ANKRD29: variants seen among roughly 807,000 people sequenced by gnomAD.
ANKRD29 encodes ankyrin repeat domain 29.
In ANKRD29, 32 loss-of-function variants were observed where a neutral mutation model predicts 38.0. The observed-to-expected ratio is 0.84, with a 90% CI of 0.64 to 1.13. The LOEUF (loss-of-function observed/expected upper bound fraction) is 1.13. ANKRD29 is among the 50% of genes most tolerant of loss of function. The pLI is 0.00. For synonymous variants in ANKRD29, 135 were observed against 152.4 expected, an observed-to-expected ratio of 0.89 and a Z score of 0.84; for missense variants, 357 against 377.9, an observed-to-expected ratio of 0.94 and a Z score of 0.46.
chr18:23,620,594 C>A (rs1043790323), intron 6 of ANKRD29, among the ~76,000 whole-genome samples: 1 of 152,054 alleles, frequency 6.6e-6, no homozygotes, highest in Non-Finnish European at 1.5e-5. Context: ...CGTTGAATCT[C>A]GCGTGTGTTG....
intron 3 of ANKRD29, among the ~76,000 whole-genome samples, chr18:23,645,363 C>G (rs2060125445): frequency 6.6e-6 from 1 of 152,176 alleles, no homozygotes; most frequent in East Asian, 1.9e-4. Flanking sequence ...ATCACGAGGT[C>G]AGGAGATCGA....
intron 3 of ANKRD29, among the ~76,000 whole-genome samples, chr18:23,641,259 T>C (rs1198594702): frequency 6.6e-6 from 1 of 152,202 alleles, no homozygotes; most frequent in Non-Finnish European, 1.5e-5. Flanking sequence ...TTGAGTTGGC[T>C]GTGCGGGAGC....
At chr18:23,659,668 G>A (rs1210562117) in intron 1 of ANKRD29, among the ~76,000 whole-genome samples, 1 of 151,650 alleles carries the variant, frequency 6.6e-6, no homozygotes, top group African/African-American at 2.4e-5. Context: ...GCTTGAACCC[G>A]GGAGGCAGAG....
intron 1 of ANKRD29, among the ~76,000 whole-genome samples, chr18:23,658,662 C>A (rs542857341): frequency 3.7e-4 from 56 of 152,240 alleles, no homozygotes; most frequent in African/African-American, 9.6e-4. Flanking sequence ...TGCATCCCCC[C>A]AAAAATTCAT....
rs923142748 is a variant in ANKRD29, at chr18:23,634,104, G to A, written c.376C>T (p.Gln126Ter). The A allele has an allele frequency of 6.2e-7, 1 of 1,614,154 alleles. No homozygotes were observed. Among genetic ancestry groups the A allele is most frequent in the Non-Finnish European group, 8.5e-7 (1 of 1,180,034 alleles). ...TGCTTCAGCAAGGTCTCCACCACCT[G>A]CATGTGCCCGTACTGACTGGCAGCC... ...LLAASQYGHM[Q>*]VVETLLKHGA... The change falls in exon 5 of 10, where the codon CAG becomes TAG. Residue 126 changes from glutamine to a stop codon, truncating the protein, a stop_gained. Coordinates refer to ENST00000592179, the MANE Select transcript of ANKRD29 (RefSeq NM_173505.4). LOFTEE classifies it high-confidence loss of function.
intron 5 of ANKRD29, among the ~76,000 whole-genome samples, chr18:23,632,531 G>GTAATATATATATATATATATATATA (rs772817461): frequency 7.9e-6 from 1 of 126,908 alleles, no homozygotes; most frequent in African/African-American, 3.3e-5. Flanking sequence ...GTGTGTGTGT[G>GTAATATATATATATATATATATATA]TGTATATATA....
rs1476073544 is a variant in ANKRD29 at position 23,629,943 on chromosome 18, G to GGCTC, written c.434_437dup (p.Thr147SerfsTer79). The GGCTC allele has an allele frequency of 6.2e-7, 1 of 1,613,416 alleles. No homozygotes were observed. The highest frequency in any genetic ancestry group is 8.5e-7 in the Non-Finnish European group (1 of 1,179,530). ...CTTGGGCAGCTAGGAAGAGGGCAGTGGCTCCATCCTGAGAGAGAACAAATT... is the reference window on the plus strand; with the variant it reads ...CTTGGGCAGCTAGGAAGAGGGCAGTGGCTCGCTCCATCCTGAGAGAGAACAAATT... On this transcript the variant is annotated frameshift_variant, in exon 6 of 10. Coordinates refer to ENST00000592179, the MANE Select transcript of ANKRD29 (RefSeq NM_173505.4). LOFTEE classifies it high-confidence loss of function.
chr18:23,650,114 A>C (rs984858333), intron 1 of ANKRD29, among the ~76,000 whole-genome samples: 1 of 151,488 alleles, frequency 6.6e-6, no homozygotes, highest in East Asian at 2.0e-4. Context: ...ATGCCATTAC[A>C]TGTCTTCATA....
At chr18:23,635,645 A>G (rs1598504735) in intron 4 of ANKRD29, among the ~76,000 whole-genome samples, 2 of 152,354 alleles carry the variant, frequency 1.3e-5, no homozygotes, top group South Asian at 2.1e-4. Context: ...AAATTTGGGC[A>G]TAAGGTGTTT....
Position 23,631,126 on chromosome 18 carries a change from G to A in ANKRD29, c.430-1175C>T, listed in dbSNP as rs956147995. ...TAAGATACAATATGCAGCTGGGTAC[G>A]ATGGCATACACCTGTGGTCCCAACT... On this transcript the variant is annotated intron_variant, in intron 5 of 9. Coordinates refer to ENST00000592179, the MANE Select transcript of ANKRD29 (RefSeq NM_173505.4). 2.6e-5 allele frequency among the ~76,000 whole-genome samples: 4 copies of A among 151,854 alleles called. No individual in the cohort carries two copies. The East Asian group carries it at 5.8e-4, about 22-fold the overall frequency.
intron 3 of ANKRD29, among the ~76,000 whole-genome samples, chr18:23,642,998 C>T (rs540250545): frequency 6.6e-6 from 1 of 152,308 alleles, no homozygotes; most frequent in Admixed American, 6.5e-5. Flanking sequence ...AGCAGGCAAC[C>T]CTTTTCCTTT....
chr18:23,645,404 T>C (rs1360343520), intron 3 of ANKRD29, among the ~76,000 whole-genome samples: 1 of 152,178 alleles, frequency 6.6e-6, no homozygotes, highest in Non-Finnish European at 1.5e-5. Context: ...TGAAACCCCA[T>C]GTCTACTAAA....
chr18:23,617,695 C>G (rs199918616), intron 8 of ANKRD29, 37 bp downstream of exon 8: 1 of 1,566,796 alleles, frequency 6.4e-7, no homozygotes, highest in Admixed American at 1.7e-5. Flanking sequence ...TCTAACCTCT[C>G]TCTTACAGAT....
intron 1 of ANKRD29, among the ~76,000 whole-genome samples, chr18:23,654,316 A>AATC (rs1568053140): frequency 9.4e-5 from 14 of 149,488 alleles, no homozygotes; most frequent in African/African-American, 3.5e-4. Flanking sequence ...ATAAATAAAT[A>AATC]AATAAATAAA....
chr18:23,660,331 G>A (rs565088889), intron 1 of ANKRD29, among the ~76,000 whole-genome samples: 239 of 152,234 alleles, frequency 1.6e-3, no homozygotes, highest in African/African-American at 5.4e-3. Flanking sequence ...AGGTGCTTAC[G>A]GGCCATTTGT....
At chr18:23,643,617 C>A (rs1441679378) in intron 3 of ANKRD29, among the ~76,000 whole-genome samples, 1 of 152,174 alleles carries the variant, frequency 6.6e-6, no homozygotes, top group South Asian at 2.1e-4. Context: ...AGGAGCTATA[C>A]CTTAGTCTGG....
At position 23,617,786 on chromosome 18, in the gene ANKRD29, A is replaced by T. The variant is rs781526822; in HGVS notation, c.669T>A (p.Tyr223Ter). ...TAAGCAACTCTTTTATGACATCATTATACCCTTTGTTGGCTGCTTTCAATA... is the reference window on the plus strand; with the variant it reads ...TAAGCAACTCTTTTATGACATCATTTTACCCTTTGTTGGCTGCTTTCAATA... ...TALLKAANKG[Y>*]NDVIKELLKF... Residue 223 changes from tyrosine (Y) to a stop codon, truncating the protein, a stop_gained, in exon 8 of 10, where the codon TAT (tyrosine) becomes TAA (stop). Transcript: ENST00000592179. LOFTEE classifies it high-confidence loss of function. The T allele has an allele frequency of 6.2e-7, 1 of 1,614,004 alleles. No individual in the cohort carries two copies. The highest frequency in any genetic ancestry group is 1.3e-5 in the African/African-American group (1 of 74,932).
intron 6 of ANKRD29, among the ~76,000 whole-genome samples, chr18:23,629,336 G>T (rs2059900686): frequency 6.6e-6 from 1 of 152,264 alleles, no homozygotes; most frequent in Non-Finnish European, 1.5e-5. Context: ...CTGTTAGCTT[G>T]CTGTTGGTAA....
chr18:23,650,150 C>T (rs776557584), intron 1 of ANKRD29, among the ~76,000 whole-genome samples: 2 of 151,564 alleles, frequency 1.3e-5, no homozygotes, highest in Non-Finnish European at 2.9e-5. Context: ...ACTGTTGGAT[C>T]GTTTTGTTTG....
Sources: allele counts gnomAD v4.1 joint callset (sites outside exome capture counted in the v4.1 genomes callset), GRCh38; gene constraint gnomAD v4.1.1; transcripts MANE v1.5; gene names NCBI Gene and HGNC (gene_info 2026-07-23, HGNC 2026-07-21).